The following ACSL6 variants were observed in gnomAD, a reference collection of about 807,000 sequenced individuals.
ACSL6 encodes the protein long-chain-fatty-acid--CoA ligase 6.
A neutral mutation model predicts 98.2 loss-of-function variants in ACSL6; 47 were observed. The ratio of observed to expected loss-of-function variants is 0.48; its 90% CI spans 0.38 to 0.61. The LOEUF is 0.61. ACSL6 is among the 20% of genes least tolerant of loss of function. The pLI, the probability that ACSL6 is intolerant of heterozygous loss-of-function variation, is 0.00. For synonymous variants in ACSL6, 362 were observed against 336.9 expected (o/e 1.07, Z -0.82); for missense variants, 761 against 913.4 (o/e 0.83, Z 2.15).
intron 1 of ACSL6, among the ~76,000 whole-genome samples, chr5:132,004,535 A>G (rs1755277869): frequency 6.6e-6 from 1 of 152,164 alleles, no homozygotes; most frequent in Admixed American, 6.5e-5. Context: ...GCTAAAGGAA[A>G]CTGGTATTCG....
rs570975128 is a variant in ACSL6, at chr5:131,951,587, T to G, written c.*2647A>C. On this transcript the variant is annotated 3_prime_UTR_variant, in exon 21 of 21. Coordinates refer to ENST00000651883, the MANE Select transcript of ACSL6 (RefSeq NM_001009185.3). ...AAGAAGAAACCTTGTTTTTGTTTTT[T>G]TTTTTTCTTTCTTTTTGAGACGGAG... 84 of 183,602 alleles carry G rather than the reference T, an allele frequency of 4.6e-4. No individual in the cohort carries two copies. Among genetic ancestry groups the G allele is most frequent in the East Asian group, 2.8e-3 (32 of 11,324 alleles). The allele number at this position is 183,602 out of a possible 1,614,324, so 11.4% of individuals were successfully genotyped here. A position where few individuals can be genotyped will look rare whatever the true frequency, so the allele number is the denominator to read the frequency against.
rs775598787 is a variant in ACSL6 at position 131,990,081 on chromosome 5, C to T, written c.450+19G>A. The T allele has an allele frequency of 1.9e-6, 3 of 1,612,526 alleles. No homozygotes were observed. The East Asian group carries it at 6.7e-5, about 36-fold the overall frequency. Reference sequence around the variant, plus strand: ...ATCTGAATGGGTGGCCAGGGTGGGGCCTGTCCTGTATCACTCACCTCCTGG... The same window carrying T: ...ATCTGAATGGGTGGCCAGGGTGGGGTCTGTCCTGTATCACTCACCTCCTGG... On this transcript the variant is annotated intron_variant, in intron 4 of 20. Coordinates refer to ENST00000651883, the MANE Select transcript of ACSL6 (RefSeq NM_001009185.3).
intron 16 of ACSL6, 54 bp from the exon 17 acceptor site, chr5:131,966,586 T>C (rs2149704274): frequency 1.3e-6 from 2 of 1,506,112 alleles, no homozygotes; most frequent in Non-Finnish European, 1.8e-6. Context: ...AATCAGGAGA[T>C]GGGAAGCTGT....
chr5:131,962,031 T>A (rs1192092146), intron 18 of ACSL6, among the ~76,000 whole-genome samples: 1 of 147,310 alleles, frequency 6.8e-6, no homozygotes, highest in Non-Finnish European at 1.5e-5. Flanking sequence ...AAAAAAAAAA[T>A]AGCTGGGCAT....
At chr5:131,999,127 A>G (rs1490501917) in intron 1 of ACSL6, among the ~76,000 whole-genome samples, 1 of 152,108 alleles carries the variant, frequency 6.6e-6, no homozygotes, top group Admixed American at 6.5e-5. Flanking sequence ...GACCCTAGCA[A>G]ACGAGCTTGG....
chr5:131,968,297 C>T, intron 15 of ACSL6: 1 of 387,828 alleles, frequency 2.6e-6, no homozygotes, highest in Non-Finnish European at 4.7e-6. Context: ...CCAACGTGCA[C>T]AGGGTCCTGG....
chr5:131,973,671 G>A, intron 11 of ACSL6: 2 of 321,992 alleles, frequency 6.2e-6, no homozygotes, highest in Non-Finnish European at 5.8e-6. Flanking sequence ...CATTCTCACT[G>A]GCGTGTGCCC....
rs543858038 is a variant in ACSL6 at position 131,988,285 on chromosome 5, G to A, written c.653-59C>T. 14 of 1,584,338 alleles carry A rather than the reference G, an allele frequency of 8.8e-6. No homozygotes were observed. In the East Asian group the frequency reaches 2.0e-4, roughly 23 times the overall value. On this transcript the variant is annotated intron_variant, in intron 6 of 20. Transcript: ENST00000651883. ...TGGGCCCAGGTCATGAGTGCAGGCA[G>A]CATGTGCCAGGCAGCACATGCCAGG... is the stretch of plus-strand genomic sequence containing the variant.
intron 6 of ACSL6, 192 bp downstream of exon 6, chr5:131,988,613 C>T (rs747664309): frequency 1.9e-6 from 3 of 1,613,036 alleles, no homozygotes; most frequent in African/African-American, 2.7e-5. Context: ...GTGGAAGGAA[C>T]CTTCGTGTGA....
intron 3 of ACSL6, 97 bp from the exon 4 acceptor site, chr5:131,990,261 G>C (rs144611974): frequency 5.6e-6 from 7 of 1,239,628 alleles, no homozygotes; most frequent in African/African-American, 4.4e-5. Flanking sequence ...ATCCCATACT[G>C]TAGTGTGTCC....
intron 12 of ACSL6, 66 bp from the exon 13 acceptor site, chr5:131,972,924 G>A: frequency 6.2e-7 from 1 of 1,609,368 alleles, no homozygotes; most frequent in Middle Eastern, 1.7e-4. Flanking sequence ...ATATCCCCCA[G>A]GAATAAGGCC....
intron 6 of ACSL6, 122 bp downstream of exon 6, chr5:131,988,683 T>C: frequency 6.3e-7 from 1 of 1,582,062 alleles, no homozygotes; most frequent in Non-Finnish European, 8.7e-7. Flanking sequence ...TGTAAGCCCC[T>C]AGTATTTTCT....
intron 9 of ACSL6, among the ~76,000 whole-genome samples, chr5:131,978,232 C>A (rs1485727245): frequency 6.6e-6 from 1 of 152,138 alleles, no homozygotes; most frequent in East Asian, 1.9e-4. Context: ...ATGACAATCG[C>A]CCATGAGGGG....
intron 1 of ACSL6, among the ~76,000 whole-genome samples, chr5:132,008,943 T>TGG (rs1755564765): frequency 1.3e-5 from 2 of 152,244 alleles, no homozygotes; most frequent in African/African-American, 4.8e-5. Flanking sequence ...GCAGAAGCTC[T>TGG]GATCCTCTGC....
intron 1 of ACSL6, among the ~76,000 whole-genome samples, chr5:132,007,199 G>T (rs1580707439): frequency 6.6e-6 from 1 of 152,162 alleles, no homozygotes; most frequent in Admixed American, 6.5e-5. Flanking sequence ...CACATGCCCA[G>T]TTCTACCCAC....
chr5:131,965,180 A>G (rs894516626), intron 17 of ACSL6, among the ~76,000 whole-genome samples: 1 of 152,172 alleles, frequency 6.6e-6, no homozygotes, highest in African/African-American at 2.4e-5. Flanking sequence ...CACGTGCCTC[A>G]TTAACTCAAC....
intron 18 of ACSL6, among the ~76,000 whole-genome samples, chr5:131,961,418 C>T (rs1752699808): frequency 6.6e-6 from 1 of 151,970 alleles, no homozygotes; most frequent in Admixed American, 6.6e-5. Flanking sequence ...TCAGGCAGGG[C>T]ATGGTGGCTT....
Position 131,974,919 on chromosome 5 carries a change from C to G in ACSL6, c.1042G>C (p.Ala348Pro), listed in dbSNP as rs750471383. 1.2e-6 allele frequency: 2 copies of G among 1,614,142 alleles called. No homozygotes were observed. The highest frequency in any genetic ancestry group is 1.7e-6 in the Non-Finnish European group (2 of 1,180,018). Residue 348 changes from alanine to proline, a missense_variant, in exon 11 of 21, where the codon GCT becomes CCT. By Grantham distance (27) the Ala-to-Pro change is conservative (BLOSUM62 -1). Transcript: ENST00000651883. ...TGGATTACTCTCTCAAACATGTGAG[C>G]CAGAGGCAGGAAGGAGATGAGCACA... ...DDVLISFLPL[A>P]HMFERVIQSV... is the part of the protein sequence containing the mutation.
In ACSL6 at chr5:131,972,814, C is replaced by T. The variant is rs1753384482; in HGVS notation, c.1248G>A (p.Glu416=). ...ANTPLKRWLL[E]FAAKRKQAEV... ...CGGCTTGCTTACGCTTTGCTGCAAA[C>T]TCCAGGAGCCAGCGCTTTAATGGTG... Residue 416 remains glutamate (E), a synonymous_variant, in exon 13 of 21, where the codon GAG becomes GAA. Coordinates refer to ENST00000651883, the MANE Select transcript of ACSL6 (RefSeq NM_001009185.3). 7 of 1,614,216 alleles carry T rather than the reference C, an allele frequency of 4.3e-6. No individual in the cohort carries two copies. The highest frequency in any genetic ancestry group is 5.9e-6 in the Non-Finnish European group (7 of 1,180,042).
Sources: gnomAD v4.1 joint callset for allele counts (sites outside exome capture counted in the v4.1 genomes callset) on GRCh38, gnomAD v4.1.1 for gene constraint, MANE v1.5 for transcripts, NCBI Gene and HGNC (gene_info 2026-07-23, HGNC 2026-07-21) for gene names.